The following SLCO2A1 variants were observed in gnomAD, a reference collection of about 807,000 sequenced individuals.
SLCO2A1 encodes the protein solute carrier organic anion transporter family member 2A1.
SLCO2A1 carries 60 observed loss-of-function variants against 71.7 expected under a neutral mutation model. That is an observed-to-expected ratio of 0.84 (90% CI 0.68 to 1.04). SLCO2A1 has a LOEUF of 1.04. Among genes scored for constraint, SLCO2A1 ranks in the 50% least tolerant of loss-of-function variants. The pLI, the probability that SLCO2A1 is intolerant of heterozygous loss-of-function variation, is 0.00. For synonymous variants in SLCO2A1, 308 were observed against 326.7 expected (o/e 0.94, Z 0.62); for missense variants, 745 against 813.4 (o/e 0.92, Z 1.02).
chr3:133,934,892 C>T, intron 13 of SLCO2A1, 62 bp from the exon 14 acceptor site: 2 of 1,335,960 alleles, frequency 1.5e-6, no homozygotes, highest in South Asian at 1.2e-5. Flanking sequence ...ATCCCAGGGC[C>T]AGGACCACTG....
intron 3 of SLCO2A1, among the ~76,000 whole-genome samples, chr3:133,966,338 G>C (rs1355270598): frequency 6.6e-6 from 1 of 152,214 alleles, no homozygotes; most frequent in Non-Finnish European, 1.5e-5. Flanking sequence ...GTCCCATGGT[G>C]TTCAAACACA....
chr3:133,948,820 G>T, intron 7 of SLCO2A1, 73 bp downstream of exon 7: 1 of 1,589,544 alleles, frequency 6.3e-7, no homozygotes, highest in Non-Finnish European at 8.6e-7. Flanking sequence ...ACACCACAGG[G>T]GCTGGGGTCC....
chr3:134,023,568 G>A (rs1057210680), intron 1 of SLCO2A1, among the ~76,000 whole-genome samples: 7 of 152,176 alleles, frequency 4.6e-5, no homozygotes, highest in Non-Finnish European at 8.8e-5. Context: ...GCCATAGTTG[G>A]TCCAATGTTC....
intron 1 of SLCO2A1, among the ~76,000 whole-genome samples, chr3:133,995,773 G>T (rs1303769803): frequency 6.6e-6 from 1 of 152,182 alleles, no homozygotes; most frequent in Non-Finnish European, 1.5e-5. Flanking sequence ...CAGAAGAAAA[G>T]AATAAATGTC....
In SLCO2A1 at chr3:133,933,881, T is replaced by C. The variant is rs1375116754; in HGVS notation, c.*832A>G. The C allele has an allele frequency of 1.3e-5, 2 of 152,072 alleles. No individual in the cohort carries two copies. The highest frequency in any genetic ancestry group is 2.9e-5 in the Non-Finnish European group (2 of 68,024). The allele number at this position is 152,072 out of a possible 1,614,324, so 9.4% of individuals were successfully genotyped here. ...GTCCCCACATTGAAGGGGTGGGAGGTTGGGCATCAGGACCTTTTCATAGGC... is the reference window on the plus strand; with the variant it reads ...GTCCCCACATTGAAGGGGTGGGAGGCTGGGCATCAGGACCTTTTCATAGGC... On this transcript the variant is annotated 3_prime_UTR_variant, in exon 14 of 14. Transcript: ENST00000310926.
intron 3 of SLCO2A1, 54 bp downstream of exon 3, chr3:133,973,609 G>A: frequency 5.7e-6 from 9 of 1,590,506 alleles, no homozygotes; most frequent in Non-Finnish European, 7.7e-6. Flanking sequence ...CACTAACTTT[G>A]TGAGATGTTC....
At chr3:133,967,938 A>T (rs1466684033) in intron 3 of SLCO2A1, among the ~76,000 whole-genome samples, 1 of 74,176 alleles carries the variant, frequency 1.3e-5, no homozygotes, top group Non-Finnish European at 2.5e-5. Flanking sequence ...CCCCCCACAC[A>T]TGTGAACACA....
chr3:133,959,298 C>G lies in SLCO2A1; in HGVS notation c.398-4105G>C, dbSNP rs80288642. ...TGTGCCTAACAAACCCTGTGGTCCA[C>G]TGTGGTACCCAGAGCATCAAAAAAG... On this transcript the variant is annotated intron_variant, in intron 3 of 13. Transcript: ENST00000310926. Among the ~76,000 whole-genome samples the G allele has an allele frequency of 5.5e-3, 831 of 151,774 alleles. 4 individuals are homozygous for G. The highest frequency in any genetic ancestry group is 0.014 in the Middle Eastern group (4 of 294).
At chr3:133,955,595 G>A (rs1933880859) in intron 3 of SLCO2A1, among the ~76,000 whole-genome samples, 1 of 152,130 alleles carries the variant, frequency 6.6e-6, no homozygotes, top group African/African-American at 2.4e-5. Flanking sequence ...CAAAGCCCAG[G>A]CCCGTCGGCC....
intron 10 of SLCO2A1, among the ~76,000 whole-genome samples, chr3:133,944,801 G>C (rs1482812367): frequency 6.6e-6 from 1 of 152,240 alleles, no homozygotes; most frequent in African/African-American, 2.4e-5. Flanking sequence ...AAAGGCCTCA[G>C]CTGAAGGAGT....
chr3:134,011,065 T>G lies in SLCO2A1; in HGVS notation c.96+18642A>C, dbSNP rs183868672. 1.9e-3 allele frequency among the ~76,000 whole-genome samples: 290 copies of G among 152,352 alleles called. 6 individuals carry two copies. The highest frequency in any genetic ancestry group is 4.7e-4 in the Non-Finnish European group (32 of 68,036). On this transcript the variant is annotated intron_variant, in intron 1 of 13. Transcript: ENST00000310926. ...TTTTTGTTTGTTTGTTTTTTGTTTT[T>G]GAGATGGAGTCTCGCTCTGCTGTTG...
intron 3 of SLCO2A1, among the ~76,000 whole-genome samples, chr3:133,959,411 AC>A (rs1559936050): frequency 6.6e-6 from 1 of 151,840 alleles, no homozygotes; most frequent in African/African-American, 2.4e-5. Context: ...AAAAAAAAAA[AC>A]AGAAAACGAG....
At chr3:134,003,585 C>T (rs1402370828) in intron 1 of SLCO2A1, among the ~76,000 whole-genome samples, 3 of 152,212 alleles carry the variant, frequency 2.0e-5, no homozygotes, top group African/African-American at 7.2e-5. Flanking sequence ...AATACCTCTG[C>T]TCCCTGCATC....
At chr3:133,938,603 G>A (rs1933334716) in intron 11 of SLCO2A1, 110 bp from the exon 12 acceptor site, 1 of 964,734 alleles carries the variant, frequency 1.0e-6, no homozygotes, top group Admixed American at 1.8e-5. Flanking sequence ...GATGTGGCCT[G>A]ACGAGCCCTC....
intron 2 of SLCO2A1, among the ~76,000 whole-genome samples, chr3:133,977,963 C>G (rs1334740222): frequency 6.6e-6 from 1 of 152,120 alleles, no homozygotes; most frequent in Non-Finnish European, 1.5e-5. Context: ...GACCAGTACA[C>G]AGACACACAC....
At chr3:133,986,369 T>C (rs1934714330) in intron 1 of SLCO2A1, among the ~76,000 whole-genome samples, 1 of 152,172 alleles carries the variant, frequency 6.6e-6, no homozygotes, top group Non-Finnish European at 1.5e-5. Context: ...AATATCTAGG[T>C]TTGTGTGTGT....
chr3:133,944,701 T>C (rs62269150), intron 10 of SLCO2A1, among the ~76,000 whole-genome samples: 31,683 of 152,150 alleles, frequency 0.21, 3,388 homozygotes, highest in East Asian at 0.26. Flanking sequence ...CAGGTCCATG[T>C]CACAGAAGCC....
At chr3:133,948,042 T>C (rs1172414310) in intron 8 of SLCO2A1, among the ~76,000 whole-genome samples, 2 of 152,192 alleles carry the variant, frequency 1.3e-5, no homozygotes, top group East Asian at 1.9e-4. Context: ...TCTGGTTTCG[T>C]TAACCTGGGA....
chr3:133,995,447 G>A (rs1295651086), intron 1 of SLCO2A1, among the ~76,000 whole-genome samples: 2 of 152,196 alleles, frequency 1.3e-5, no homozygotes, highest in African/African-American at 4.8e-5. Context: ...GAAATCTGTA[G>A]CTGAGTGGAA....
Sources: allele counts gnomAD v4.1 joint callset (sites outside exome capture counted in the v4.1 genomes callset), GRCh38; gene constraint gnomAD v4.1.1; transcripts MANE v1.5; gene names NCBI Gene and HGNC (gene_info 2026-07-23, HGNC 2026-07-21).